The following TAP1 variants were observed in gnomAD, a reference collection of about 807,000 sequenced individuals.
The protein encoded by TAP1 is antigen peptide transporter 1.
In TAP1, 56 loss-of-function variants were observed where a neutral mutation model predicts 79.3. The observed-to-expected ratio is 0.71, with a 90% CI of 0.57 to 0.88. The LOEUF is 0.88. TAP1 is among the 40% of genes least tolerant of loss of function. The pLI, the probability that TAP1 is intolerant of heterozygous loss-of-function variation, is 0.00. For synonymous variants in TAP1, 355 were observed against 401.4 expected (o/e 0.88, Z 1.38); for missense variants, 737 against 936.3 (o/e 0.79, Z 2.78).
rs749782626 is a variant in TAP1 at position 32,853,629 on chromosome 6, C to G, written c.8G>C (p.Ser3Thr). 1 of 1,611,320 alleles carries G rather than the reference C, an allele frequency of 6.2e-7. No homozygotes were observed. The highest frequency in any genetic ancestry group is 8.5e-7 in the Non-Finnish European group (1 of 1,179,460). The change falls in exon 1 of 11, where the codon AGC (serine) becomes ACC (threonine). Residue 3 changes from serine (S) to threonine (T), a missense_variant. Ser to Thr is a moderately conservative substitution (Grantham distance 58). Coordinates refer to ENST00000354258, the MANE Select transcript of TAP1 (RefSeq NM_000593.6). The surrounding 1 kb of genome is among the most constrained non-coding windows in gnomAD (Gnocchi z 8.3). MASSRCPAPRGCR... is the reference protein window; with the variant it reads MATSRCPAPRGCR... ...CCCGCGGGGAGCGGGACACCTAGAG[C>G]TAGCCATTGGCACTCGGACGCCGTC...
chr6:32,848,122 G>A, intron 7 of TAP1, 30 bp from the exon 8 acceptor site: 8 of 1,567,824 alleles, frequency 5.1e-6, no homozygotes, highest in Non-Finnish European at 6.9e-6. Flanking sequence ...ACGATAAGAG[G>A]CTACCAAGGC....
Position 32,848,711 on chromosome 6 carries a change from C to T in TAP1, c.1507G>A (p.Val503Ile). Residue 503 changes from valine (V) to isoleucine (I), a missense_variant, in exon 7 of 11, where the codon GTC becomes ATC. This residue lies in a region of TAP1 where 266 missense variants were observed against 332.4 expected (regional missense o/e 0.80). Transcript: ENST00000354258. ...LLTPLHLEGLVQFQDVSFAYP... is the reference protein window; with the variant it reads ...LLTPLHLEGLIQFQDVSFAYP... ...GCAAAGGAGACATCTTGGAACTGGA[C>T]AAGGCCCTCCAAGTGTAAGGGAGTC... The T allele has an allele frequency of 6.2e-7, 1 of 1,614,104 alleles. No individual in the cohort carries two copies. Among genetic ancestry groups the T allele is most frequent in the South Asian group, 1.1e-5 (1 of 91,070 alleles).
chr6:32,853,442 C>G lies in TAP1; in HGVS notation c.195G>C (p.Trp65Cys). Reference protein sequence around the residue: ...LRVWAVGLSRWAVLWLGACGV... With the variant: ...LRVWAVGLSRCAVLWLGACGV... Reference sequence around the variant, plus strand: ...CGCAGGCCCCCAGCCAGAGCACGGCCCAGCGGCTCAGGCCCACCGCCCAGA... The same window carrying G: ...CGCAGGCCCCCAGCCAGAGCACGGCGCAGCGGCTCAGGCCCACCGCCCAGA... The change falls in exon 1 of 11, where the codon TGG (tryptophan) becomes TGC (cysteine). Residue 65 changes from tryptophan (W) to cysteine (C), a missense_variant. This residue lies in a region of TAP1 where 406 missense variants were observed against 477.2 expected (regional missense o/e 0.85). Coordinates refer to ENST00000354258, the MANE Select transcript of TAP1 (RefSeq NM_000593.6). The surrounding 1 kb of genome is among the most constrained non-coding windows in gnomAD (Gnocchi z 8.3). 1.2e-6 allele frequency: 2 copies of G among 1,612,020 alleles called. No homozygotes were observed. The highest frequency in any genetic ancestry group is 3.3e-4 in the Middle Eastern group (2 of 6,058).
chr6:32,853,141 G>C lies in TAP1; in HGVS notation c.496C>G (p.Gln166Glu), dbSNP rs929230971. The change falls in exon 1 of 11, where the codon CAG (glutamine) becomes GAG (glutamate). Residue 166 changes from glutamine (Q) to glutamate (E), a missense_variant. Transcript: ENST00000354258. This position sits in a 1 kb window ranked among gnomAD's most constrained non-coding sequence, Gnocchi z 8.3. The stretch of plus-strand genomic sequence containing the variant: ...CGCACAGGGTTTCCAGAGCCGCCCT[G>C]ACCGCCGGGCACCCAGAGGCTCCCG... The part of the protein sequence containing the change: ...KLGSLWVPGG[Q>E]GGSGNPVRRL... 4 of 1,612,580 alleles carry C rather than the reference G, an allele frequency of 2.5e-6. No individual in the cohort carries two copies. In the African/African-American group the frequency reaches 4.0e-5, roughly 16 times the overall value.
rs746365477 is a variant in TAP1, at chr6:32,848,644, G to C, written c.1566+8C>G. The C allele has an allele frequency of 6.2e-7, 1 of 1,613,728 alleles. No homozygotes were observed. Among genetic ancestry groups the C allele is most frequent in the Non-Finnish European group, 8.5e-7 (1 of 1,179,914 alleles). On this transcript the variant is annotated splice_region_variant and intron_variant, in intron 7 of 10. Transcript: ENST00000354258. ...GGCCAGTGGAATACAGGGAGTGGTA[G>C]GTTGTACCTGTAGCACTAAGACATC...
chr6:32,852,842 G>C lies in TAP1; in HGVS notation c.598+197C>G. On this transcript the variant is annotated intron_variant, in intron 1 of 10. Transcript: ENST00000354258. This position sits in a 1 kb window ranked among gnomAD's most constrained non-coding sequence, Gnocchi z 4.8. ...AAAGAATCAAGACCCGGTCAGCAATGGAGCCCAGAACCTCTGGCCCCCGCC... is the reference window on the plus strand; with the variant it reads ...AAAGAATCAAGACCCGGTCAGCAATCGAGCCCAGAACCTCTGGCCCCCGCC... 2.1e-6 allele frequency: 3 copies of C among 1,440,106 alleles called. No homozygotes were observed. The highest frequency in any genetic ancestry group is 2.7e-6 in the Non-Finnish European group (3 of 1,104,512). The allele number at this position is 1,440,106 out of a possible 1,614,324, so 89.2% of individuals were successfully genotyped here. A position where few individuals can be genotyped will look rare whatever the true frequency, so the allele number is the denominator to read the frequency against.
chr6:32,845,346 A>G lies in TAP1; in HGVS notation c.*233T>C. ...ATTTCTCAGTTTCAGAGTGCTGGCC[A>G]CACCAAAGCATCAGCCCTGGCTCTA... On this transcript the variant is annotated 3_prime_UTR_variant, in exon 11 of 11. Coordinates refer to ENST00000354258, the MANE Select transcript of TAP1 (RefSeq NM_000593.6). The surrounding 1 kb of genome is among the most constrained non-coding windows in gnomAD (Gnocchi z 4.5). 3.3e-6 allele frequency: 2 copies of G among 613,242 alleles called. No homozygotes were observed. Among genetic ancestry groups the G allele is most frequent in the Non-Finnish European group, 5.8e-6 (2 of 344,344 alleles). 38.0% of individuals were successfully genotyped at this position (613,242 alleles called of 1,614,324 possible).
rs201656242 is a variant in TAP1 at position 32,852,054 on chromosome 6, A to T, written c.844+55T>A. 1.3e-3 allele frequency: 2,059 copies of T among 1,611,650 alleles called. 3 individuals are homozygous for T. Among genetic ancestry groups the T allele is most frequent in the Non-Finnish European group, 1.6e-3 (1,937 of 1,179,264 alleles). On this transcript the variant is annotated intron_variant, in intron 3 of 10. Coordinates refer to ENST00000354258, the MANE Select transcript of TAP1 (RefSeq NM_000593.6). The surrounding 1 kb of genome is among the most constrained non-coding windows in gnomAD (Gnocchi z 4.8). ...GCGGGGAGGGGGGAGATCAAAGCAG[A>T]TGTATGAGGATATGAACAGTACATG... is the stretch of plus-strand genomic sequence containing the variant.
chr6:32,845,727 G>C lies in TAP1; in HGVS notation c.2099C>G (p.Thr700Ser). 1 of 1,613,036 alleles carries C rather than the reference G, an allele frequency of 6.2e-7. No individual in the cohort carries two copies. The highest frequency in any genetic ancestry group is 8.5e-7 in the Non-Finnish European group (1 of 1,180,032). ...ERYSRSVLLI[T>S]QHLSLVEQAD... ...CTGCTCCACCAGGCTGAGGTGCTGGGTGATGAGAAGCACTGAGCGGGAGTA... is the reference window on the plus strand; with the variant it reads ...CTGCTCCACCAGGCTGAGGTGCTGGCTGATGAGAAGCACTGAGCGGGAGTA... Residue 700 changes from threonine (T) to serine (S), a missense_variant, in exon 11 of 11, where the codon ACC becomes AGC. Coordinates refer to ENST00000354258, the MANE Select transcript of TAP1 (RefSeq NM_000593.6). This position sits in a 1 kb window ranked among gnomAD's most constrained non-coding sequence, Gnocchi z 4.5.
At chr6:32,849,989 T>A (rs1770685593) in intron 5 of TAP1, 1 of 450,306 alleles carries the variant, frequency 2.2e-6, no homozygotes, top group Non-Finnish European at 4.1e-6. Context: ...GGTACCAGCA[T>A]GAAGCAGTCC....
At chr6:32,846,836 A>G (rs1770448459) in intron 10 of TAP1, among the ~76,000 whole-genome samples, 1 of 152,058 alleles carries the variant, frequency 6.6e-6, no homozygotes. Context: ...AAAGGAAAGA[A>G]AGAAAGAAAT....
Position 32,845,905 on chromosome 6 carries a change from G to T in TAP1, c.2041-120C>A. On this transcript the variant is annotated intron_variant, in intron 10 of 10. Transcript: ENST00000354258. This position sits in a 1 kb window ranked among gnomAD's most constrained non-coding sequence, Gnocchi z 4.5. ...CTGCTGGCTCTGCTAACAACCCCAAGGACACCAACGTTTCCCATTCTGAGT... is the reference window on the plus strand; with the variant it reads ...CTGCTGGCTCTGCTAACAACCCCAATGACACCAACGTTTCCCATTCTGAGT... 1.3e-6 allele frequency: 1 copy of T among 781,226 alleles called. No individual in the cohort carries two copies. Among genetic ancestry groups the T allele is most frequent in the Non-Finnish European group, 2.2e-6 (1 of 460,302 alleles). 48.4% of individuals were successfully genotyped at this position (781,226 alleles called of 1,614,324 possible).
In TAP1 at chr6:32,850,566, G is replaced by A. The variant is rs1368521198; in HGVS notation, c.1051-49C>T. 3.3e-6 allele frequency: 5 copies of A among 1,527,102 alleles called. No individual in the cohort carries two copies. In the African/African-American group the frequency reaches 5.5e-5, roughly 17 times the overall value. 94.6% of individuals were successfully genotyped at this position (1,527,102 alleles called of 1,614,324 possible). A position where few individuals can be genotyped will look rare whatever the true frequency, so the allele number is the denominator to read the frequency against. On this transcript the variant is annotated intron_variant, in intron 4 of 10. Coordinates refer to ENST00000354258, the MANE Select transcript of TAP1 (RefSeq NM_000593.6). The surrounding 1 kb of genome is among the most constrained non-coding windows in gnomAD (Gnocchi z 5.5). ...GTCACACGGGTTGGCAAACCATCAG[G>A]GACACTAATACCTGAGTTACCTATT... is the stretch of plus-strand genomic sequence containing the variant.
In TAP1 at chr6:32,851,951, C is replaced by CAGAGACAGAGAG. The variant is rs1554246411; in HGVS notation, c.844+157_844+158insCTCTCTGTCTCT. ...AGAGAGAGAGAGAGAGAGACAGAGA[C>CAGAGACAGAGAG]AGAGAGAGAGAGACAGGGAGAGGGT... On this transcript the variant is annotated intron_variant, in intron 3 of 10. Coordinates refer to ENST00000354258, the MANE Select transcript of TAP1 (RefSeq NM_000593.6). The surrounding 1 kb of genome is among the most constrained non-coding windows in gnomAD (Gnocchi z 4.8). 7.7e-6 allele frequency among the ~76,000 whole-genome samples: 1 copy of CAGAGACAGAGAG among 129,532 alleles called. No homozygotes were observed. Among genetic ancestry groups the CAGAGACAGAGAG allele is most frequent in the African/African-American group, 2.9e-5 (1 of 35,066 alleles). The allele number at this position is 129,532 out of a possible 152,430, so 85.0% of individuals were successfully genotyped here. A position where few individuals can be genotyped will look rare whatever the true frequency, so the allele number is the denominator to read the frequency against.
Position 32,852,861 on chromosome 6 carries a change from C to T in TAP1, c.598+178G>A. On this transcript the variant is annotated intron_variant, in intron 1 of 10. Transcript: ENST00000354258. The surrounding 1 kb of genome is among the most constrained non-coding windows in gnomAD (Gnocchi z 4.8). ...AGCAATGGAGCCCAGAACCTCTGGCCCCCGCCAGTCCAGTGCCGTTTCTTC... is the reference window on the plus strand; with the variant it reads ...AGCAATGGAGCCCAGAACCTCTGGCTCCCGCCAGTCCAGTGCCGTTTCTTC... The T allele has an allele frequency of 1.4e-6, 2 of 1,438,700 alleles. No individual in the cohort carries two copies. Among genetic ancestry groups the T allele is most frequent in the Non-Finnish European group, 1.8e-6 (2 of 1,101,708 alleles). 89.1% of individuals were successfully genotyped at this position (1,438,700 alleles called of 1,614,324 possible).
rs905249605 is a variant in TAP1 at position 32,853,345 on chromosome 6, G to A, written c.292C>T (p.Pro98Ser). Residue 98 changes from proline (P) to serine (S), a missense_variant, in exon 1 of 11, where the codon CCA becomes TCA. By Grantham distance (74) the Pro-to-Ser change is moderately conservative. Around this residue, in one of 5 missense-constraint regions of TAP1, gnomAD observed 406 missense variants for 477.2 expected, o/e 0.85. Coordinates refer to ENST00000354258, the MANE Select transcript of TAP1 (RefSeq NM_000593.6). This position sits in a 1 kb window ranked among gnomAD's most constrained non-coding sequence, Gnocchi z 8.3. ...GAQGWLAALK[P>S]LAAALGLALP... ...GCCAAGCCCAGTGCCGCAGCTAATG[G>A]CTTCAAAGCAGCCAGCCAGCCCTGG... The A allele has an allele frequency of 6.3e-7, 1 of 1,585,366 alleles. No individual in the cohort carries two copies. The highest frequency in any genetic ancestry group is 8.6e-7 in the Non-Finnish European group (1 of 1,165,626).
chr6:32,851,125 T>A lies in TAP1; in HGVS notation c.869A>T (p.Glu290Val). Residue 290 changes from glutamate to valine, a missense_variant, in exon 4 of 11, where the codon GAG becomes GTG. Glu to Val is a moderately radical substitution (Grantham distance 121). Coordinates refer to ENST00000354258, the MANE Select transcript of TAP1 (RefSeq NM_000593.6). This position sits in a 1 kb window ranked among gnomAD's most constrained non-coding sequence, Gnocchi z 4.8. ...QTGNIMSRVT[E>V]DTSTLSDSLS... ...AGAATCACTCAGGGTGGACGTGTCC[T>A]CTGTTACCCGAGACATGATGTTACC... The A allele has an allele frequency of 6.2e-7, 1 of 1,612,986 alleles. No homozygotes were observed. The highest frequency in any genetic ancestry group is 1.7e-5 in the Admixed American group (1 of 60,010).
chr6:32,848,258 G>T, intron 7 of TAP1, 166 bp from the exon 8 acceptor site: 1 of 886,756 alleles, frequency 1.1e-6, no homozygotes, highest in East Asian at 2.7e-5. Flanking sequence ...CCTCCCCAAG[G>T]AGTAGAGATA....
Position 32,851,288 on chromosome 6 carries a change from T to C in TAP1, c.845-139A>G. On this transcript the variant is annotated intron_variant, in intron 3 of 10. Transcript: ENST00000354258. The surrounding 1 kb of genome is among the most constrained non-coding windows in gnomAD (Gnocchi z 4.8). ...AGGCTGCAGGAAACAAGGTTAGGGT[T>C]CTCCAGAGGTCTGCAAATCTCAGTG... is the stretch of plus-strand genomic sequence containing the variant. 1.3e-6 allele frequency: 1 copy of C among 777,620 alleles called. No individual in the cohort carries two copies. The highest frequency in any genetic ancestry group is 2.2e-6 in the Non-Finnish European group (1 of 454,908). The allele number at this position is 777,620 out of a possible 1,614,324, so 48.2% of individuals were successfully genotyped here. A position where few individuals can be genotyped will look rare whatever the true frequency, so the allele number is the denominator to read the frequency against.
Sources: allele counts gnomAD v4.1 joint callset (sites outside exome capture counted in the v4.1 genomes callset), GRCh38; gene constraint gnomAD v4.1.1; regional missense constraint gnomAD v4.1.1; non-coding constraint Gnocchi (gnomAD v3.1); transcripts MANE v1.5; gene names NCBI Gene and HGNC (gene_info 2026-07-23, HGNC 2026-07-21).